POPDC3: variants seen among roughly 807,000 people sequenced by gnomAD.
The protein encoded by POPDC3 is popeye domain-containing protein 3.
In POPDC3, 20 loss-of-function variants were observed where a neutral mutation model predicts 28.2. The observed-to-expected ratio is 0.71, with a 90% CI of 0.50 to 1.03. POPDC3 has a LOEUF of 1.03. Among genes scored for constraint, POPDC3 ranks in the 50% least tolerant of loss-of-function variants. POPDC3 has a pLI of 0.00. For synonymous variants in POPDC3, 118 were observed against 124.1 expected (o/e 0.95, Z 0.33); for missense variants, 316 against 345.9 (o/e 0.91, Z 0.69).
In POPDC3 at chr6:105,158,670, A is replaced by G. The variant is rs765304783; in HGVS notation, c.676T>C (p.Tyr226His). ...KLYLLFAQHR[Y>H]ISRLFSVLIG... ...AGCACTGAAAAAAGGCGGGAGATGT[A>G]GCGATGCTGAGCAAAGAGCAGATAT... The change falls in exon 4 of 4, where the codon TAC becomes CAC. Residue 226 changes from tyrosine to histidine, a missense_variant. By Grantham distance (83) the Tyr-to-His change is moderately conservative. Coordinates refer to ENST00000254765, the MANE Select transcript of POPDC3 (RefSeq NM_022361.5). 57 of 1,614,048 alleles carry G rather than the reference A, an allele frequency of 3.5e-5. No individual in the cohort carries two copies. The highest frequency in any genetic ancestry group is 4.6e-5 in the Non-Finnish European group (54 of 1,180,012).
At chr6:105,174,611 TACTG>T (rs1422056371) in intron 1 of POPDC3, among the ~76,000 whole-genome samples, 2 of 152,214 alleles carry the variant, frequency 1.3e-5, no homozygotes, top group African/African-American at 4.8e-5. Flanking sequence ...AAGTTGAGCA[TACTG>T]ACTGTGTATT....
intron 1 of POPDC3, among the ~76,000 whole-genome samples, chr6:105,172,974 CAT>C (rs1774610142): frequency 1.3e-5 from 2 of 152,020 alleles, no homozygotes; most frequent in Non-Finnish European, 2.9e-5. Flanking sequence ...CAACATGGCA[CAT>C]GTATACATAT....
chr6:105,177,367 A>G (rs992164063), intron 1 of POPDC3, among the ~76,000 whole-genome samples: 12 of 152,166 alleles, frequency 7.9e-5, no homozygotes, highest in Non-Finnish European at 1.6e-4. Context: ...TTTTTTTCTG[A>G]TAATTTTGAA....
chr6:105,176,694 C>A (rs141410298), intron 1 of POPDC3, among the ~76,000 whole-genome samples: 3,662 of 152,060 alleles, frequency 0.024, 62 homozygotes, highest in Non-Finnish European at 0.034. Context: ...GTAGCTGGGA[C>A]TGCAGGCGCA....
At chr6:105,174,829 C>A (rs1049511560) in intron 1 of POPDC3, among the ~76,000 whole-genome samples, 2 of 152,128 alleles carry the variant, frequency 1.3e-5, no homozygotes, top group Admixed American at 6.5e-5. Context: ...GTAAAAGAAC[C>A]AGTGATTCAT....
intron 1 of POPDC3, among the ~76,000 whole-genome samples, chr6:105,164,614 G>A (rs1053941539): frequency 6.6e-6 from 1 of 152,196 alleles, no homozygotes; most frequent in African/African-American, 2.4e-5. Flanking sequence ...CTTCTGACAT[G>A]TGCCAGCAGC....
intron 1 of POPDC3, among the ~76,000 whole-genome samples, chr6:105,179,623 C>A (rs1774744795): frequency 6.6e-6 from 1 of 152,142 alleles, no homozygotes; most frequent in African/African-American, 2.4e-5. Flanking sequence ...CAGCCGGGAC[C>A]CCAGACCCCG....
intron 1 of POPDC3, among the ~76,000 whole-genome samples, chr6:105,172,674 A>C (rs1377478592): frequency 6.6e-6 from 1 of 150,832 alleles, no homozygotes; most frequent in African/African-American, 2.5e-5. Context: ...AAGAAAATGT[A>C]GCACATATAC....
intron 1 of POPDC3, among the ~76,000 whole-genome samples, chr6:105,172,029 A>C (rs1774586907): frequency 6.6e-6 from 1 of 150,976 alleles, no homozygotes; most frequent in Non-Finnish European, 1.5e-5. Flanking sequence ...AAAATTGACA[A>C]ATGGGATCTA....
chr6:105,164,067 A>T (rs1395753474), intron 1 of POPDC3, among the ~76,000 whole-genome samples: 5 of 152,228 alleles, frequency 3.3e-5, no homozygotes, highest in African/African-American at 1.2e-4. Flanking sequence ...CCAGGCTGCA[A>T]ATGTCAGTCT....
At chr6:105,160,045 G>T in intron 2 of POPDC3, 1 of 330,394 alleles carries the variant, frequency 3.0e-6, no homozygotes, top group South Asian at 6.3e-5. Context: ...AATATTGAGT[G>T]AAATTCATCA....
intron 3 of POPDC3, 61 bp downstream of exon 3, chr6:105,159,650 T>C: frequency 4.3e-6 from 4 of 939,290 alleles, no homozygotes; most frequent in Non-Finnish European, 5.1e-6. Flanking sequence ...TGTTTACTTA[T>C]TTTTAAACAA....
Position 105,158,741 on chromosome 6 carries a change from G to C in POPDC3, c.605C>G (p.Thr202Ser), listed in dbSNP as rs1227769335. ...CACATATCGACAATCAGTTTCTGCAGTGAGGGTTACCTAAAAAACACAAGA... is the reference window on the plus strand; with the variant it reads ...CACATATCGACAATCAGTTTCTGCACTGAGGGTTACCTAAAAAACACAAGA... ...TEEGIFQVTL[T>S]AETDCRYVSW... The change falls in exon 4 of 4, where the codon ACT becomes AGT. Residue 202 changes from threonine to serine, a missense_variant. Physicochemically the swap from Thr to Ser is moderately conservative, Grantham distance 58 (BLOSUM62 1). Transcript: ENST00000254765. The C allele has an allele frequency of 6.2e-7, 1 of 1,608,644 alleles. No individual in the cohort carries two copies. Among genetic ancestry groups the C allele is most frequent in the East Asian group, 2.2e-5 (1 of 44,804 alleles).
intron 3 of POPDC3, 24 bp downstream of exon 3, chr6:105,159,683 GCTAA>G: frequency 1.6e-6 from 2 of 1,227,926 alleles, no homozygotes; most frequent in South Asian, 1.2e-5. Flanking sequence ...AAGAGGGAGT[GCTAA>G]CTGTGTGTTC....
Position 105,159,085 on chromosome 6 carries a change from C to T in POPDC3, c.595-334G>A, listed in dbSNP as rs947894037. 2.0e-5 allele frequency: 4 copies of T among 204,990 alleles called. No homozygotes were observed. The Admixed American group carries it at 2.2e-4, about 11-fold the overall frequency. 12.7% of individuals were successfully genotyped at this position (204,990 alleles called of 1,614,324 possible). ...TTACAGAAATATTTCCAAGTCACTT[C>T]TGAAGACTGTGGACATTTAACCCTA... On this transcript the variant is annotated intron_variant, in intron 3 of 3. Transcript: ENST00000254765.
At chr6:105,162,387 C>A (rs917187895) in intron 1 of POPDC3, among the ~76,000 whole-genome samples, 1 of 152,166 alleles carries the variant, frequency 6.6e-6, no homozygotes, top group African/African-American at 2.4e-5. Flanking sequence ...CTATATTAAT[C>A]TCGTCTCTAT....
chr6:105,171,224 G>A (rs533479579), intron 1 of POPDC3, among the ~76,000 whole-genome samples: 3 of 152,258 alleles, frequency 2.0e-5, no homozygotes, highest in South Asian at 2.1e-4. Context: ...TAAAACATGC[G>A]TAAGCAAACA....
chr6:105,177,002 T>C (rs1774693336), intron 1 of POPDC3: 2 of 256,964 alleles, frequency 7.8e-6, no homozygotes, highest in Non-Finnish European at 1.2e-5. Context: ...TATAATGATT[T>C]TGGGAAACAA....
At chr6:105,178,577 C>G (rs1300007613) in intron 1 of POPDC3, 3 of 105,602 alleles carry the variant, frequency 2.8e-5, no homozygotes, top group African/African-American at 7.0e-5. Flanking sequence ...CACACACACA[C>G]ACACACACAC....
Sources: gnomAD v4.1 joint callset for allele counts (sites outside exome capture counted in the v4.1 genomes callset) on GRCh38, gnomAD v4.1.1 for gene constraint, MANE v1.5 for transcripts, NCBI Gene and HGNC (gene_info 2026-07-23, HGNC 2026-07-21) for gene names.